Variants in TTC6 observed in about 807,000 individuals in gnomAD.
TTC6 encodes the protein tetratricopeptide repeat protein 6.
Under a neutral mutation model 210.4 loss-of-function variants are expected in TTC6, and 172 were observed. That is an observed-to-expected ratio of 0.82 (90% CI 0.72 to 0.93). TTC6 has a LOEUF of 0.93. Ranked by LOEUF, TTC6 falls within the 40% of genes least tolerant of loss-of-function variation. The pLI is 0.00. For synonymous variants in TTC6, 804 were observed against 819.6 expected, an observed-to-expected ratio of 0.98 and a Z score of 0.32; for missense variants, 2,414 against 2,318.1, an observed-to-expected ratio of 1.04 and a Z score of -0.85.
chr14:37,633,358 C>T lies in TTC6; in HGVS notation c.939+10355C>T, dbSNP rs978301200. ...TTCTTCATGGCACAGTCCCTCACGG[C>T]TTCCCTTGACTAGGGGAGGGAGTTT... On this transcript the variant is annotated intron_variant, in intron 1 of 30. Transcript: ENST00000553443. Among the ~76,000 whole-genome samples, 19 of 152,182 alleles carry T rather than the reference C, an allele frequency of 1.2e-4. 1 individual carries two copies. Among genetic ancestry groups the T allele is most frequent in the Non-Finnish European group, 5.9e-5 (4 of 68,028 alleles).
At chr14:37,836,843 C>T (rs2096199054) in intron 29 of TTC6, among the ~76,000 whole-genome samples, 1 of 152,084 alleles carries the variant, frequency 6.6e-6, no homozygotes, top group Non-Finnish European at 1.5e-5. Context: ...CTAATAAACT[C>T]TAGAGGGTTA....
At chr14:37,694,160 G>A (rs1431490030) in intron 3 of TTC6, among the ~76,000 whole-genome samples, 1 of 152,078 alleles carries the variant, frequency 6.6e-6, no homozygotes, top group African/African-American at 2.4e-5. Context: ...AATCAGTAAA[G>A]TGAAGAGACA....
At chr14:37,834,685 C>T (rs928585667) in intron 29 of TTC6, among the ~76,000 whole-genome samples, 25 of 151,988 alleles carry the variant, frequency 1.6e-4, no homozygotes, top group African/African-American at 6.0e-4. Flanking sequence ...AATTTCTTTT[C>T]TTTGGGGTCT....
chr14:37,640,630 C>G (rs982170598), intron 1 of TTC6, among the ~76,000 whole-genome samples: 4 of 152,052 alleles, frequency 2.6e-5, no homozygotes, highest in Non-Finnish European at 4.4e-5. Context: ...GCAACCTCAG[C>G]CTCCTGGGTT....
chr14:37,806,600 ACAAT>A, intron 22 of TTC6, 90 bp downstream of exon 24: 2 of 1,274,492 alleles, frequency 1.6e-6, no homozygotes, highest in Non-Finnish European at 2.1e-6. Flanking sequence ...TTAATTACCA[ACAAT>A]CAGTTTCTTA....
chr14:37,823,741 T>A lies in TTC6; in HGVS notation c.4764-6T>A. On this transcript the variant is annotated splice_polypyrimidine_tract_variant and splice_region_variant and intron_variant, in intron 26 of 30. Coordinates refer to ENST00000553443, the Ensembl canonical transcript of TTC6. ...AGAAGGCATCAATATTTTTATTTAT[T>A]TGCAGAATTAATGAGTTTGAAGAAG... 2 of 1,611,806 alleles carry A rather than the reference T, an allele frequency of 1.2e-6. No individual in the cohort carries two copies. The highest frequency in any genetic ancestry group is 1.7e-6 in the Non-Finnish European group (2 of 1,178,502).
intron 14 of TTC6, among the ~76,000 whole-genome samples, chr14:37,780,693 C>G (rs56400031): frequency 2.0e-5 from 3 of 151,806 alleles, no homozygotes; most frequent in Non-Finnish European, 4.4e-5. Flanking sequence ...GCTTTGTTAC[C>G]TAGGTATACA....
At chr14:37,780,799 C>A (rs1260554076) in intron 14 of TTC6, among the ~76,000 whole-genome samples, 3 of 152,090 alleles carry the variant, frequency 2.0e-5, no homozygotes, top group African/African-American at 7.2e-5. Flanking sequence ...CCACCATGGA[C>A]CCCGGTGTGT....
At chr14:37,798,402 A>G (rs2096097712) in intron 20 of TTC6, among the ~76,000 whole-genome samples, 1 of 151,886 alleles carries the variant, frequency 6.6e-6, no homozygotes, top group South Asian at 2.1e-4. Context: ...TCTTTAAAAA[A>G]ATTTGTTTGC....
intron 7 of TTC6, among the ~76,000 whole-genome samples, chr14:37,730,363 G>T (rs2095882785): frequency 1.3e-5 from 2 of 151,732 alleles, no homozygotes; most frequent in African/African-American, 2.4e-5. Context: ...AAAATATCTG[G>T]CATGTATTTA....
chr14:37,755,819 T>A (rs2095965875), intron 14 of TTC6, among the ~76,000 whole-genome samples: 1 of 152,178 alleles, frequency 6.6e-6, no homozygotes, highest in Non-Finnish European at 1.5e-5. Context: ...TTGCTTAGGA[T>A]TGTCTTGGCT....
intron 29 of TTC6, among the ~76,000 whole-genome samples, chr14:37,833,137 A>T (rs1449350684): frequency 6.6e-6 from 1 of 151,242 alleles, no homozygotes; most frequent in Non-Finnish European, 1.5e-5. Flanking sequence ...TTTGGTCTGT[A>T]GTGCAGTTTA....
At chr14:37,735,632 A>T (rs993739684) in intron 7 of TTC6, among the ~76,000 whole-genome samples, 5 of 152,178 alleles carry the variant, frequency 3.3e-5, no homozygotes, top group Non-Finnish European at 7.4e-5. Context: ...AACCTATGAG[A>T]TCATAGGATC....
chr14:37,753,188 G>C, exon 14 of TTC6: 1 of 1,535,326 alleles, frequency 6.5e-7, no homozygotes, highest in Non-Finnish European at 8.7e-7. Context: ...CAGCCATAGA[G>C]GATTTTACAG....
chr14:37,728,733 C>T (rs936994403), intron 7 of TTC6, among the ~76,000 whole-genome samples: 16 of 152,100 alleles, frequency 1.1e-4, no homozygotes, highest in African/African-American at 3.9e-4. Context: ...TTTAAAATTT[C>T]TGTTCTCTTT....
intron 14 of TTC6, among the ~76,000 whole-genome samples, chr14:37,758,610 G>C (rs2095974826): frequency 6.6e-6 from 1 of 152,114 alleles, no homozygotes; most frequent in Non-Finnish European, 1.5e-5. Flanking sequence ...CCTGAATGTA[G>C]CACACCGATG....
At chr14:37,739,143 A>C (rs1233886607) in exon 10 of TTC6, 1 of 1,503,072 alleles carries the variant, frequency 6.7e-7, no homozygotes, top group Non-Finnish European at 8.8e-7. Context: ...AAGCCTCCAA[A>C]ATCTCTTGAA....
At chr14:37,614,512 GAC>G (rs1345792646) in intron 2 of TTC6, among the ~76,000 whole-genome samples, 1 of 152,062 alleles carries the variant, frequency 6.6e-6, no homozygotes, top group Non-Finnish European at 1.5e-5. Flanking sequence ...CACTTACTCA[GAC>G]ATTTGACATT....
At chr14:37,637,916 C>T (rs1430974746) in intron 1 of TTC6, among the ~76,000 whole-genome samples, 1 of 152,184 alleles carries the variant, frequency 6.6e-6, no homozygotes, top group Non-Finnish European at 1.5e-5. Flanking sequence ...CTCTGGAAAA[C>T]AGTTTGGCAG....
Sources: allele counts gnomAD v4.1 joint callset (sites outside exome capture counted in the v4.1 genomes callset), GRCh38; gene constraint gnomAD v4.1.1; transcripts MANE v1.5; gene names NCBI Gene and HGNC (gene_info 2026-07-23, HGNC 2026-07-21).